The following DMD variants were observed in gnomAD, a reference collection of about 807,000 sequenced individuals.
DMD encodes the protein dystrophin.
A neutral mutation model predicts 330.1 loss-of-function variants in DMD; 63 were observed. That is an observed-to-expected ratio of 0.19 (90% CI 0.16 to 0.24). DMD has a LOEUF of 0.24. Ranked by LOEUF, DMD falls within the 10% of genes least tolerant of loss-of-function variation. The pLI, the probability that DMD is intolerant of heterozygous loss-of-function variation, is 1.00. For synonymous variants in DMD, 1,223 were observed against 959.8 expected, an observed-to-expected ratio of 1.27 and a Z score of -5.07; for missense variants, 3,344 against 2,684.1, an observed-to-expected ratio of 1.25 and a Z score of -5.43.
intron 54 of DMD, among the ~76,000 whole-genome samples, chrX:31,656,556 CA>C (rs1387403687): frequency 3.6e-5 from 4 of 111,735 alleles, no homozygotes; most frequent in African/African-American, 1.3e-4. Context: ...TTGCTTTCCC[CA>C]AAAGACTTCT....
intron 44 of DMD, among the ~76,000 whole-genome samples, chrX:32,013,851 G>A (rs1367423767): frequency 1.8e-5 from 2 of 111,791 alleles, no homozygotes; most frequent in Non-Finnish European, 3.8e-5. Flanking sequence ...AGATAAACAA[G>A]GAATCCTAGA....
chrX:33,007,100 C>T (rs1249588561), intron 2 of DMD, among the ~76,000 whole-genome samples: 1 of 111,065 alleles, frequency 9.0e-6, no homozygotes, highest in Non-Finnish European at 1.9e-5. Context: ...TCTACTTCTA[C>T]CTTTACATCC....
At chrX:31,456,870 GTGTGTGTATATATA>G (rs1198864747) in intron 59 of DMD, among the ~76,000 whole-genome samples, 5 of 98,191 alleles carry the variant, frequency 5.1e-5, no homozygotes, top group African/African-American at 2.1e-4. Context: ...GTGTGTGTGT[GTGTGTGTATATATA>G]TATATATTAT....
chrX:32,549,125 T>C (rs1415922202), intron 16 of DMD, among the ~76,000 whole-genome samples: 4 of 111,961 alleles, frequency 3.6e-5, no homozygotes, highest in Non-Finnish European at 7.5e-5. Flanking sequence ...GAAATACTTG[T>C]CTTTACATTT....
intron 17 of DMD, among the ~76,000 whole-genome samples, chrX:32,538,809 A>G (rs73453783): frequency 0.025 from 2,755 of 111,059 alleles, 92 homozygotes; most frequent in African/African-American, 0.085. Context: ...CATGAGAACC[A>G]CTGTTGTCAT....
At chrX:32,479,404 A>G (rs1047965129) in intron 21 of DMD, among the ~76,000 whole-genome samples, 2 of 111,058 alleles carry the variant, frequency 1.8e-5, no homozygotes, top group Non-Finnish European at 3.8e-5. Context: ...GAAACTTTCT[A>G]TCATTTGATC....
chrX:32,137,060 A>G (rs1240078841), intron 44 of DMD, among the ~76,000 whole-genome samples: 3 of 112,593 alleles, frequency 2.7e-5, no homozygotes, highest in Non-Finnish European at 5.6e-5. Context: ...AGCGTGCATT[A>G]TCAGCACAGA....
At chrX:32,070,443 C>G (rs925026374) in intron 44 of DMD, among the ~76,000 whole-genome samples, 1 of 110,897 alleles carries the variant, frequency 9.0e-6, no homozygotes, top group African/African-American at 3.3e-5. Flanking sequence ...TGAGTGCAGT[C>G]TACAAAGTAA....
intron 55 of DMD, among the ~76,000 whole-genome samples, chrX:31,511,464 C>T (rs1326407415): frequency 5.5e-5 from 5 of 90,975 alleles, no homozygotes; most frequent in African/African-American, 1.6e-4. Flanking sequence ...GTATATCTCC[C>T]AATGCTATCC....
At chrX:32,437,695 A>T (rs950304149) in intron 29 of DMD, among the ~76,000 whole-genome samples, 1 of 112,502 alleles carries the variant, frequency 8.9e-6, no homozygotes, top group African/African-American at 3.2e-5. Flanking sequence ...CTTCTTGACA[A>T]ATAATCCATT....
At chrX:32,212,215 A>G (rs1223026924) in intron 44 of DMD, among the ~76,000 whole-genome samples, 1 of 112,208 alleles carries the variant, frequency 8.9e-6, no homozygotes, top group Admixed American at 9.5e-5. Flanking sequence ...ATTTTCCTCA[A>G]TTCCTAATCC....
intron 1 of DMD, among the ~76,000 whole-genome samples, chrX:33,032,865 C>A (rs1238858041): frequency 2.7e-5 from 3 of 112,289 alleles, no homozygotes; most frequent in Non-Finnish European, 5.6e-5. Context: ...ATCATTCACT[C>A]CCTGTTCACC....
intron 53 of DMD, among the ~76,000 whole-genome samples, chrX:31,669,125 G>A (rs187046728): frequency 2.7e-4 from 30 of 111,696 alleles, no homozygotes; most frequent in Non-Finnish European, 3.4e-4. Context: ...ATATATACCC[G>A]GAAGTGGGAT....
At chrX:32,905,002 T>A (rs142668925) in intron 2 of DMD, among the ~76,000 whole-genome samples, 84 of 112,569 alleles carry the variant, frequency 7.5e-4, no homozygotes, top group East Asian at 6.4e-3. Context: ...ATTGTGTTGT[T>A]GTATGTATAT....
intron 44 of DMD, among the ~76,000 whole-genome samples, chrX:32,159,523 A>G (rs769265474): frequency 8.9e-6 from 1 of 112,085 alleles, no homozygotes; most frequent in East Asian, 2.8e-4. Flanking sequence ...GTGATAAAAT[A>G]TTTGATAAGT....
At chrX:31,664,357 A>G (rs1002283991) in intron 53 of DMD, among the ~76,000 whole-genome samples, 2 of 111,399 alleles carry the variant, frequency 1.8e-5, no homozygotes, top group Admixed American at 1.9e-4. Context: ...CACATTTGTG[A>G]AAATAGTTAA....
chrX:31,337,429 C>A (rs1173245635), intron 61 of DMD, among the ~76,000 whole-genome samples: 1 of 112,055 alleles, frequency 8.9e-6, no homozygotes, highest in Non-Finnish European at 1.9e-5. Flanking sequence ...TTATGTAAGT[C>A]TACTAAAGAA....
intron 7 of DMD, among the ~76,000 whole-genome samples, chrX:32,733,492 C>A (rs997278915): frequency 0.01 from 1,143 of 110,301 alleles, 31 homozygotes; most frequent in African/African-American, 0.036. Flanking sequence ...ACCTATTCCA[C>A]AACTGACCAC....
At chrX:32,549,701 A>G (rs929772474) in intron 16 of DMD, among the ~76,000 whole-genome samples, 4 of 111,521 alleles carry the variant, frequency 3.6e-5, no homozygotes, top group Non-Finnish European at 7.5e-5. Flanking sequence ...AAATTGGAAG[A>G]GCATTTGCCA....
Sources: gnomAD v4.1 joint callset for allele counts (sites outside exome capture counted in the v4.1 genomes callset) on GRCh38, gnomAD v4.1.1 for gene constraint, MANE v1.5 for transcripts, NCBI Gene and HGNC (gene_info 2026-07-23, HGNC 2026-07-21) for gene names.